NCKAP5: variants seen among roughly 807,000 people sequenced by gnomAD.
NCKAP5 encodes the protein nck-associated protein 5.
In NCKAP5, 92 loss-of-function variants were observed where a neutral mutation model predicts 167.0. That is an observed-to-expected ratio of 0.55 (90% CI 0.47 to 0.66). The LOEUF (loss-of-function observed/expected upper bound fraction) is 0.66. NCKAP5 is among the 30% of genes least tolerant of loss of function. The probability of loss-of-function intolerance (pLI) is 0.00; values close to 1 mark genes in which losing one functional copy is unlikely to be tolerated. For synonymous variants in NCKAP5, 891 were observed against 877.4 expected, an observed-to-expected ratio of 1.02 and a Z score of -0.27; for missense variants, 2,378 against 2,315.0, an observed-to-expected ratio of 1.03 and a Z score of -0.56.
chr2:133,137,354 C>A (rs1372892043), intron 5 of NCKAP5, among the ~76,000 whole-genome samples: 2 of 150,212 alleles, frequency 1.3e-5, no homozygotes, highest in African/African-American at 2.5e-5. Flanking sequence ...ATAACATCAC[C>A]CAAGAGAGAC....
chr2:133,130,186 G>A (rs1396021343), intron 5 of NCKAP5, 75 bp from the exon 6 acceptor site: 1 of 1,473,174 alleles, frequency 6.8e-7, no homozygotes, highest in Non-Finnish European at 9.1e-7. Flanking sequence ...GTTATCAAGT[G>A]ATAACTTGAG....
At chr2:133,442,562 G>T (rs750560577) in intron 3 of NCKAP5, among the ~76,000 whole-genome samples, 1 of 141,334 alleles carries the variant, frequency 7.1e-6, no homozygotes, top group Non-Finnish European at 1.6e-5. Flanking sequence ...TAGGGTGTAG[G>T]TCTCCTAATG....
chr2:133,077,425 C>T (rs191086364), intron 6 of NCKAP5, among the ~76,000 whole-genome samples: 13 of 152,304 alleles, frequency 8.5e-5, no homozygotes, highest in East Asian at 5.8e-4. Context: ...GACCCTGTTC[C>T]GGTAGCTTAG....
intron 8 of NCKAP5, among the ~76,000 whole-genome samples, chr2:132,920,739 A>G (rs1451437560): frequency 1.9e-5 from 2 of 105,680 alleles, no homozygotes; most frequent in East Asian, 2.6e-4. Flanking sequence ...ATATGTATAT[A>G]TATGTGTATA....
intron 9 of NCKAP5, among the ~76,000 whole-genome samples, chr2:132,875,211 G>T (rs1691173534): frequency 2.6e-5 from 4 of 152,154 alleles, no homozygotes; most frequent in Admixed American, 2.6e-4. Flanking sequence ...TCTGAGGTGT[G>T]ACACAGCCAG....
chr2:132,752,451 G>T (rs1197044087), intron 16 of NCKAP5, among the ~76,000 whole-genome samples: 1 of 152,176 alleles, frequency 6.6e-6, no homozygotes, highest in African/African-American at 2.4e-5. Flanking sequence ...CTTCACTAGG[G>T]CCCCTGTACC....
chr2:133,210,900 G>A (rs890550015), intron 5 of NCKAP5, among the ~76,000 whole-genome samples: 1 of 152,022 alleles, frequency 6.6e-6, no homozygotes, highest in African/African-American at 2.4e-5. Flanking sequence ...TAATACTTAG[G>A]CCTTGTTAGA....
chr2:133,483,476 G>A (rs1260576076), intron 3 of NCKAP5, among the ~76,000 whole-genome samples: 1 of 152,142 alleles, frequency 6.6e-6, no homozygotes, highest in Non-Finnish European at 1.5e-5. Flanking sequence ...TTAGAAACTT[G>A]CAAATGAGTC....
At chr2:133,362,935 G>A (rs1344584780) in intron 3 of NCKAP5, among the ~76,000 whole-genome samples, 1 of 144,188 alleles carries the variant, frequency 6.9e-6, no homozygotes, top group Non-Finnish European at 1.5e-5. Flanking sequence ...TTCGTTTTTT[G>A]TTTTTTTTTT....
intron 5 of NCKAP5, among the ~76,000 whole-genome samples, chr2:133,184,024 T>C (rs1163123535): frequency 6.6e-6 from 1 of 152,114 alleles, no homozygotes; most frequent in African/African-American, 2.4e-5. Context: ...TACATGGGCA[T>C]ATTGTGTGAT....
intron 6 of NCKAP5, among the ~76,000 whole-genome samples, chr2:133,056,844 G>A (rs998123759): frequency 5.9e-5 from 9 of 152,130 alleles, no homozygotes; most frequent in Non-Finnish European, 8.8e-5. Context: ...GTTGAAGCAC[G>A]CAACCATGCC....
intron 6 of NCKAP5, among the ~76,000 whole-genome samples, chr2:133,103,340 C>G (rs1167708745): frequency 2.6e-5 from 4 of 152,162 alleles, no homozygotes; most frequent in African/African-American, 9.7e-5. Flanking sequence ...AAGCCACTTG[C>G]TCAAGGTAAA....
intron 6 of NCKAP5, among the ~76,000 whole-genome samples, chr2:133,105,720 G>C (rs1368431780): frequency 6.6e-6 from 1 of 152,210 alleles, no homozygotes; most frequent in Non-Finnish European, 1.5e-5. Flanking sequence ...GTGCCGAGTG[G>C]TGTTCAACAT....
chr2:133,304,100 G>A (rs1249387652), intron 3 of NCKAP5, among the ~76,000 whole-genome samples: 2 of 152,144 alleles, frequency 1.3e-5, no homozygotes, highest in Non-Finnish European at 2.9e-5. Flanking sequence ...GAAATAAACT[G>A]GGAACTTTGA....
chr2:132,942,762 A>C (rs1697395023), intron 8 of NCKAP5, among the ~76,000 whole-genome samples: 2 of 152,224 alleles, frequency 1.3e-5, no homozygotes, highest in African/African-American at 4.8e-5. Flanking sequence ...AGCAAAATTC[A>C]GGCTCAAATG....
intron 2 of NCKAP5, chr2:133,527,042 T>C (rs1684982458): frequency 6.6e-6 from 1 of 152,040 alleles, no homozygotes; most frequent in South Asian, 2.1e-4. Context: ...ACCATGCTAC[T>C]AAATGCATTC....
chr2:133,177,183 T>TATATACAC lies in NCKAP5; in HGVS notation c.207+36532_207+36533insGTGTATAT, dbSNP rs371451759. Among the ~76,000 whole-genome samples the TATATACAC allele has an allele frequency of 8.6e-3, 1,229 of 142,670 alleles. 10 individuals carry two copies. The highest frequency in any genetic ancestry group is 0.016 in the South Asian group (73 of 4,446). The allele number at this position is 142,670 out of a possible 152,430, so 93.6% of individuals were successfully genotyped here. A position where few individuals can be genotyped will look rare whatever the true frequency, so the allele number is the denominator to read the frequency against. ...TGTTTTCTATATATATATATATATA[T>TATATACAC]ATATACTCAAGAAACTTCTGTAAAA... On this transcript the variant is annotated intron_variant, in intron 5 of 19. Coordinates refer to ENST00000409261, the MANE Select transcript of NCKAP5 (RefSeq NM_207363.3).
intron 4 of NCKAP5, among the ~76,000 whole-genome samples, chr2:133,257,166 A>G (rs1384813837): frequency 6.6e-6 from 1 of 152,218 alleles, no homozygotes; most frequent in East Asian, 1.9e-4. Flanking sequence ...TTAAGATACC[A>G]GTGGTCAGAA....
At chr2:132,727,806 G>A (rs893916077) in intron 18 of NCKAP5, among the ~76,000 whole-genome samples, 2 of 152,208 alleles carry the variant, frequency 1.3e-5, no homozygotes, top group African/African-American at 4.8e-5. Context: ...ACTGGAAATT[G>A]AGGCTGTGGG....
Sources: allele counts gnomAD v4.1 joint callset (sites outside exome capture counted in the v4.1 genomes callset), GRCh38; gene constraint gnomAD v4.1.1; transcripts MANE v1.5; gene names NCBI Gene and HGNC (gene_info 2026-07-23, HGNC 2026-07-21).